ALKBH4: variants seen among roughly 807,000 people sequenced by gnomAD.
ALKBH4 encodes the protein alkB homolog 4, lysine demethylase, also known as alpha-ketoglutarate-dependent dioxygenase alkB homolog 4.
ALKBH4 carries 8 observed loss-of-function variants against 12.1 expected under a neutral mutation model. That is an observed-to-expected ratio of 0.66 (90% CI 0.39 to 1.19). ALKBH4 has a LOEUF of 1.19. Among genes scored for constraint, ALKBH4 ranks in the 50% most tolerant of loss-of-function variants. The pLI is 0.01. For synonymous variants in ALKBH4, 195 were observed against 191.6 expected, an observed-to-expected ratio of 1.02 and a Z score of -0.15; for missense variants, 403 against 430.4, an observed-to-expected ratio of 0.94 and a Z score of 0.56.
rs1484910675 is a variant in ALKBH4 at position 102,459,478 on chromosome 7, G to A, written c.321+126C>T. ...GGCTGCCCACAGCCCCAAGGTCTGG[G>A]GAACTCGCCCACTACCAACCCTGGA... is the stretch of plus-strand genomic sequence containing the variant. On this transcript the variant is annotated intron_variant, in intron 2 of 2. Coordinates refer to ENST00000292566, the MANE Select transcript of ALKBH4 (RefSeq NM_017621.4). 2.5e-6 allele frequency: 3 copies of A among 1,221,882 alleles called. No homozygotes were observed. The East Asian group carries it at 7.2e-5, about 29-fold the overall frequency. 75.7% of individuals were successfully genotyped at this position (1,221,882 alleles called of 1,614,324 possible). A position where few individuals can be genotyped will look rare whatever the true frequency, so the allele number is the denominator to read the frequency against.
intron 1 of ALKBH4, among the ~76,000 whole-genome samples, chr7:102,464,303 T>G (rs1318807167): frequency 6.6e-6 from 1 of 152,130 alleles, no homozygotes; most frequent in East Asian, 1.9e-4. Context: ...CAGCGATCCT[T>G]GAGTTCCTTT....
intron 2 of ALKBH4, among the ~76,000 whole-genome samples, chr7:102,458,253 G>A (rs1267190350): frequency 6.6e-6 from 1 of 152,162 alleles, no homozygotes; most frequent in Non-Finnish European, 1.5e-5. Context: ...GGGCAACAAA[G>A]TGAGACCTCC....
Position 102,457,653 on chromosome 7 carries a change from C to G in ALKBH4, c.650G>C (p.Ser217Thr). Residue 217 changes from serine (S) to threonine (T), a missense_variant, in exon 3 of 3, where the codon AGC becomes ACC. Coordinates refer to ENST00000292566, the MANE Select transcript of ALKBH4 (RefSeq NM_017621.4). This position sits in a 1 kb window ranked among gnomAD's most constrained non-coding sequence, Gnocchi z 5.9. The stretch of plus-strand genomic sequence containing the variant: ...CACCGACCGGCTGGGTGCTATCACG[C>G]TGTCCACCAAGGCCTCCGGGGCAGC... Reference protein sequence around the residue: ...PSAAPEALVDSVIAPSRSVLC... With the variant: ...PSAAPEALVDTVIAPSRSVLC... 1 of 1,572,074 alleles carries G rather than the reference C, an allele frequency of 6.4e-7. No homozygotes were observed. Among genetic ancestry groups the G allele is most frequent in the African/African-American group, 1.3e-5 (1 of 74,348 alleles).
chr7:102,463,322 C>CTT (rs71106683), intron 1 of ALKBH4, among the ~76,000 whole-genome samples: 5,195 of 58,326 alleles, frequency 0.089, 853 homozygotes, highest in Non-Finnish European at 0.098. Context: ...CAAGTCATCT[C>CTT]TTTTTTTTTT....
chr7:102,457,954 T>G lies in ALKBH4; in HGVS notation c.349A>C (p.Lys117Gln). The G allele has an allele frequency of 6.2e-7, 1 of 1,610,298 alleles. No homozygotes were observed. The highest frequency in any genetic ancestry group is 8.5e-7 in the Non-Finnish European group (1 of 1,177,858). The change falls in exon 3 of 3, where the codon AAA (lysine) becomes CAA (glutamine). Residue 117 changes from lysine (K) to glutamine (Q), a missense_variant. By Grantham distance (53) the Lys-to-Gln change is moderately conservative (BLOSUM62 1). Transcript: ENST00000292566. The surrounding 1 kb of genome is among the most constrained non-coding windows in gnomAD (Gnocchi z 5.9). ...QDYGPKVNFR[K>Q]QKLKTEGFCG... ...AAGCCCTCGGTCTTTAGCTTCTGTTTCCGAAAGTTGACTTTGGGGCCATAG... is the reference window on the plus strand; with the variant it reads ...AAGCCCTCGGTCTTTAGCTTCTGTTGCCGAAAGTTGACTTTGGGGCCATAG...
At chr7:102,462,879 G>A (rs1225585399) in intron 1 of ALKBH4, among the ~76,000 whole-genome samples, 1 of 151,326 alleles carries the variant, frequency 6.6e-6, no homozygotes, top group Non-Finnish European at 1.5e-5. Context: ...TGCAGTATTT[G>A]TCTTCTGTGA....
chr7:102,461,614 T>G (rs1183059075), intron 1 of ALKBH4, among the ~76,000 whole-genome samples: 2 of 152,140 alleles, frequency 1.3e-5, no homozygotes, highest in Admixed American at 1.3e-4. Flanking sequence ...CCTCCCGCCT[T>G]GGCCTCCCAA....
Position 102,457,049 on chromosome 7 carries a change from G to C in ALKBH4, c.*345C>G, listed in dbSNP as rs770575886. The C allele has an allele frequency of 5.3e-6, 1 of 187,074 alleles. No individual in the cohort carries two copies. The highest frequency in any genetic ancestry group is 1.1e-5 in the Non-Finnish European group (1 of 91,070). 11.6% of individuals were successfully genotyped at this position (187,074 alleles called of 1,614,324 possible). The stretch of plus-strand genomic sequence containing the variant: ...TCACCGTGTTGGCCAGGCTGGTCTC[G>C]AACTCCTGGCATCAAGTGATCCGCC... On this transcript the variant is annotated 3_prime_UTR_variant, in exon 3 of 3. Coordinates refer to ENST00000292566, the MANE Select transcript of ALKBH4 (RefSeq NM_017621.4). This position sits in a 1 kb window ranked among gnomAD's most constrained non-coding sequence, Gnocchi z 5.9.
intron 2 of ALKBH4, among the ~76,000 whole-genome samples, chr7:102,459,181 GA>G (rs1240260652): frequency 6.6e-6 from 1 of 151,680 alleles, no homozygotes; most frequent in Non-Finnish European, 1.5e-5. Context: ...AATGAAGGGA[GA>G]GGGGGCACCC....
rs1374571665 is a variant in ALKBH4, at chr7:102,457,269, T to G, written c.*125A>C. The stretch of plus-strand genomic sequence containing the variant: ...ATCAAAACCTGCTCCTGGGCAGGGC[T>G]CACACTGCTCACAGCATCAGGGGTC... On this transcript the variant is annotated 3_prime_UTR_variant, in exon 3 of 3. Coordinates refer to ENST00000292566, the MANE Select transcript of ALKBH4 (RefSeq NM_017621.4). The surrounding 1 kb of genome is among the most constrained non-coding windows in gnomAD (Gnocchi z 5.9). 4.4e-6 allele frequency: 5 copies of G among 1,147,142 alleles called. No individual in the cohort carries two copies. Among genetic ancestry groups the G allele is most frequent in the Non-Finnish European group, 6.2e-6 (5 of 806,032 alleles). The allele number at this position is 1,147,142 out of a possible 1,614,324, so 71.1% of individuals were successfully genotyped here.
At chr7:102,463,582 A>G (rs1367564334) in intron 1 of ALKBH4, among the ~76,000 whole-genome samples, 1 of 149,822 alleles carries the variant, frequency 6.7e-6, no homozygotes, top group Non-Finnish European at 1.5e-5. Flanking sequence ...TGCCCACCTC[A>G]GCCTCCCAAA....
At chr7:102,459,302 G>T in intron 2 of ALKBH4, 1 of 315,478 alleles carries the variant, frequency 3.2e-6, no homozygotes, top group South Asian at 6.6e-5. Context: ...GACAATGGGA[G>T]GTGGGGGCGC....
At position 102,464,584 on chromosome 7, in the gene ALKBH4, C is replaced by T. The variant is rs537571849; in HGVS notation, c.123+130G>A. On this transcript the variant is annotated intron_variant, in intron 1 of 2. Coordinates refer to ENST00000292566, the MANE Select transcript of ALKBH4 (RefSeq NM_017621.4). ...GCTCCTTAAAGCCCTCATCTCCTCA[C>T]CCTGCATCACCCCTACCGTAAGGGT... 3.0e-6 allele frequency: 4 copies of T among 1,326,744 alleles called. No individual in the cohort carries two copies. In the African/African-American group the frequency reaches 6.1e-5, roughly 20 times the overall value. 82.2% of individuals were successfully genotyped at this position (1,326,744 alleles called of 1,614,324 possible).
At chr7:102,459,129 G>A (rs1272424242) in intron 2 of ALKBH4, among the ~76,000 whole-genome samples, 1 of 144,354 alleles carries the variant, frequency 6.9e-6, no homozygotes, top group South Asian at 2.2e-4. Context: ...CTGGGTGGCA[G>A]AGCGAGACTC....
At chr7:102,464,499 C>T (rs1016523855) in intron 1 of ALKBH4, among the ~76,000 whole-genome samples, 3 of 152,138 alleles carry the variant, frequency 2.0e-5, no homozygotes, top group African/African-American at 7.2e-5. Flanking sequence ...CCCCAGAGTC[C>T]CCGAGGTGAC....
chr7:102,459,479 G>A (rs985908517), intron 2 of ALKBH4, 125 bp downstream of exon 2: 1 of 1,227,136 alleles, frequency 8.1e-7, no homozygotes, highest in Non-Finnish European at 1.1e-6. Flanking sequence ...AAGGTCTGGG[G>A]AACTCGCCCA....
chr7:102,457,545 T>A lies in ALKBH4; in HGVS notation c.758A>T (p.Lys253Met). The A allele has an allele frequency of 6.2e-7, 1 of 1,612,124 alleles. No individual in the cohort carries two copies. Residue 253 changes from lysine (K) to methionine (M), a missense_variant, in exon 3 of 3, where the codon AAG (lysine) becomes ATG (methionine). Transcript: ENST00000292566. This position sits in a 1 kb window ranked among gnomAD's most constrained non-coding sequence, Gnocchi z 5.9. ...VLTGAARHQW[K>M]HAIHRRHIEA... ...GATGTGTCTGCGGTGGATGGCATGC[T>A]TCCACTGGTGCCGTGCCGCCCCGGT...
rs994968905 is a variant in ALKBH4, at chr7:102,456,689, C to T, written c.*705G>A. ...CTGAGCCTGACTCTGAAGCTGTTCC[C>T]AGCTCTTTAGTCTAAACTTCAAATC... On this transcript the variant is annotated 3_prime_UTR_variant, in exon 3 of 3. Transcript: ENST00000292566. 6.6e-6 allele frequency: 1 copy of T among 152,216 alleles called. No individual in the cohort carries two copies. Among genetic ancestry groups the T allele is most frequent in the East Asian group, 1.9e-4 (1 of 5,198 alleles). The allele number at this position is 152,216 out of a possible 1,614,324, so 9.4% of individuals were successfully genotyped here. A position where few individuals can be genotyped will look rare whatever the true frequency, so the allele number is the denominator to read the frequency against.
Position 102,456,289 on chromosome 7 carries a change from CAAGTT to C in ALKBH4, c.*1100_*1104del, listed in dbSNP as rs1301474976. The C allele has an allele frequency of 1.3e-5, 2 of 153,108 alleles. No individual in the cohort carries two copies. The highest frequency in any genetic ancestry group is 2.4e-5 in the African/African-American group (1 of 41,420). 9.5% of individuals were successfully genotyped at this position (153,108 alleles called of 1,614,324 possible). On this transcript the variant is annotated 3_prime_UTR_variant, in exon 3 of 3. Coordinates refer to ENST00000292566, the MANE Select transcript of ALKBH4 (RefSeq NM_017621.4). The stretch of plus-strand genomic sequence containing the variant: ...TAGGGACAGGGTCTTGCTCTGTTGC[CAAGTT>C]AAGTGCAGTGGTATGATCATGAGCT...
Sources: allele counts gnomAD v4.1 joint callset (sites outside exome capture counted in the v4.1 genomes callset), GRCh38; gene constraint gnomAD v4.1.1; non-coding constraint Gnocchi (gnomAD v3.1); transcripts MANE v1.5; gene names NCBI Gene and HGNC (gene_info 2026-07-23, HGNC 2026-07-21).